The following PYROXD1 variants were observed in gnomAD, a reference collection of about 807,000 sequenced individuals.
PYROXD1 encodes pyridine nucleotide-disulphide oxidoreductase domain 1.
PYROXD1 carries 42 observed loss-of-function variants against 62.0 expected under a neutral mutation model. That is an observed-to-expected ratio of 0.68 (90% CI 0.53 to 0.88). The LOEUF is 0.88. PYROXD1 is among the 40% of genes least tolerant of loss of function. The pLI is 0.00. For synonymous variants in PYROXD1, 170 were observed against 206.4 expected (o/e 0.82, Z 1.51); for missense variants, 493 against 604.8 (o/e 0.82, Z 1.94).
intron 10 of PYROXD1, 111 bp downstream of exon 10, chr12:21,462,973 G>T: frequency 9.6e-7 from 1 of 1,045,528 alleles, no homozygotes; most frequent in South Asian, 1.8e-5. Flanking sequence ...GCTTAAGTAG[G>T]AAGCTAGCAC....
chr12:21,449,232 T>A (rs1942446443), intron 3 of PYROXD1, among the ~76,000 whole-genome samples: 1 of 152,140 alleles, frequency 6.6e-6, no homozygotes, highest in South Asian at 2.1e-4. Context: ...TAACGTGGGG[T>A]CAACATACCT....
chr12:21,454,013 A>G (rs1281262291), intron 5 of PYROXD1, among the ~76,000 whole-genome samples: 2 of 148,678 alleles, frequency 1.3e-5, no homozygotes, highest in African/African-American at 2.5e-5. Context: ...TCACCCAATA[A>G]TCTTCTATGT....
At chr12:21,458,994 C>A (rs552439768) in intron 7 of PYROXD1, among the ~76,000 whole-genome samples, 55 of 152,254 alleles carry the variant, frequency 3.6e-4, no homozygotes, top group Admixed American at 7.8e-4. Context: ...TTGTAAAAAA[C>A]ACACTATCTG....
At chr12:21,464,344 T>C (rs1942752468) in intron 10 of PYROXD1, among the ~76,000 whole-genome samples, 1 of 152,124 alleles carries the variant, frequency 6.6e-6, no homozygotes. Flanking sequence ...GTATTAGCTG[T>C]TCTCTAGTTG....
At chr12:21,439,986 A>G (rs976715840) in intron 1 of PYROXD1, among the ~76,000 whole-genome samples, 16 of 152,228 alleles carry the variant, frequency 1.1e-4, no homozygotes, top group Non-Finnish European at 2.2e-4. Context: ...GACAAATGAA[A>G]TATTATTTTA....
chr12:21,463,149 A>T (rs1942730213), intron 10 of PYROXD1, among the ~76,000 whole-genome samples: 1 of 152,180 alleles, frequency 6.6e-6, no homozygotes, highest in African/African-American at 2.4e-5. Context: ...ACTTTCTGTG[A>T]TGATGGAAAT....
chr12:21,462,139 G>T lies in PYROXD1; in HGVS notation c.993+19G>T, dbSNP rs753966531. 7.0e-7 allele frequency: 1 copy of T among 1,422,132 alleles called. No individual in the cohort carries two copies. The highest frequency in any genetic ancestry group is 2.3e-5 in the East Asian group (1 of 43,862). The allele number at this position is 1,422,132 out of a possible 1,614,324, so 88.1% of individuals were successfully genotyped here. A position where few individuals can be genotyped will look rare whatever the true frequency, so the allele number is the denominator to read the frequency against. ...TAACAGTGTAAGGTGAAATTTTTTT[G>T]TCCAGCTGTGAATATATTTGAAGTA... On this transcript the variant is annotated intron_variant, in intron 9 of 11. Coordinates refer to ENST00000240651, the MANE Select transcript of PYROXD1 (RefSeq NM_024854.5).
intron 2 of PYROXD1, 73 bp from the exon 3 acceptor site, chr12:21,445,274 A>G: frequency 1.4e-6 from 2 of 1,391,592 alleles, no homozygotes; most frequent in Non-Finnish European, 9.5e-7. Context: ...AAAGCAAAGT[A>G]TTTTTATTAT....
At chr12:21,465,328 C>A (rs1262913639) in intron 10 of PYROXD1, among the ~76,000 whole-genome samples, 1 of 152,006 alleles carries the variant, frequency 6.6e-6, no homozygotes, top group Non-Finnish European at 1.5e-5. Context: ...CTCTCCAGCA[C>A]ATGTTGTTTC....
At chr12:21,466,232 C>T (rs1231474863) in intron 10 of PYROXD1, among the ~76,000 whole-genome samples, 2 of 149,842 alleles carry the variant, frequency 1.3e-5, no homozygotes, top group African/African-American at 4.9e-5. Context: ...ATGGGGATGG[C>T]ATTGAATCTA....
At chr12:21,452,040 C>A in intron 4 of PYROXD1, 41 bp from the exon 5 acceptor site, 1 of 1,186,302 alleles carries the variant, frequency 8.4e-7, no homozygotes, top group Non-Finnish European at 1.2e-6. Flanking sequence ...TTATTGCCCA[C>A]TATTACAAAA....
chr12:21,466,609 CAG>C (rs1942799314), intron 10 of PYROXD1, among the ~76,000 whole-genome samples: 1 of 152,172 alleles, frequency 6.6e-6, no homozygotes, highest in Admixed American at 6.5e-5. Flanking sequence ...CATCTGCAAA[CAG>C]GGACAATTTG....
intron 4 of PYROXD1, among the ~76,000 whole-genome samples, chr12:21,450,292 C>G (rs1942471416): frequency 6.6e-6 from 1 of 152,128 alleles, no homozygotes; most frequent in African/African-American, 2.4e-5. Context: ...ATTACACACA[C>G]ATTCATTACT....
chr12:21,463,026 G>C (rs527552060), intron 10 of PYROXD1, among the ~76,000 whole-genome samples, 164 bp downstream of exon 10: 1 of 152,088 alleles, frequency 6.6e-6, no homozygotes, highest in Non-Finnish European at 1.5e-5. Flanking sequence ...ATATTTCCCT[G>C]TTTGGTAAGT....
In PYROXD1 at chr12:21,462,094, G is replaced by A; in HGVS notation, c.967G>A (p.Val323Ile). Residue 323 changes from valine (V) to isoleucine (I), a missense_variant, in exon 9 of 12, where the codon GTA becomes ATA. Coordinates refer to ENST00000240651, the MANE Select transcript of PYROXD1 (RefSeq NM_024854.5). ...IVSATGVTPN[V>I]EPFLHGNSFD... The stretch of plus-strand genomic sequence containing the variant: ...CAGTGCTACAGGAGTTACACCAAAT[G>A]TAGAACCTTTTCTCCATGGTAACAG... 1 of 1,611,474 alleles carries A rather than the reference G, an allele frequency of 6.2e-7. No individual in the cohort carries two copies. Among genetic ancestry groups the A allele is most frequent in the Non-Finnish European group, 8.5e-7 (1 of 1,178,056 alleles).
chr12:21,462,192 C>A, intron 9 of PYROXD1, 72 bp downstream of exon 9: 1 of 807,922 alleles, frequency 1.2e-6, no homozygotes, highest in South Asian at 1.5e-5. Context: ...AATTCTCAAA[C>A]ATGAATAATT....
At chr12:21,461,560 C>T (rs1460855119) in intron 8 of PYROXD1, among the ~76,000 whole-genome samples, 2 of 152,166 alleles carry the variant, frequency 1.3e-5, no homozygotes, top group African/African-American at 2.4e-5. Context: ...TGAAGAAATA[C>T]ACTCAGTTAA....
intron 2 of PYROXD1, among the ~76,000 whole-genome samples, chr12:21,442,618 TGGAA>T (rs140434926): frequency 0.071 from 10,803 of 152,280 alleles, 436 homozygotes; most frequent in Middle Eastern, 0.12. Flanking sequence ...GCCCTGGGGT[TGGAA>T]CACTCACAGG....
At chr12:21,450,868 G>T (rs1287859507) in intron 4 of PYROXD1, among the ~76,000 whole-genome samples, 1 of 152,092 alleles carries the variant, frequency 6.6e-6, no homozygotes, top group African/African-American at 2.4e-5. Flanking sequence ...AATCCTGTGT[G>T]ACGATTATTA....
Sources: gnomAD v4.1 joint callset for allele counts (sites outside exome capture counted in the v4.1 genomes callset) on GRCh38, gnomAD v4.1.1 for gene constraint, MANE v1.5 for transcripts, NCBI Gene and HGNC (gene_info 2026-07-23, HGNC 2026-07-21) for gene names.